The following DPYD variants were observed in gnomAD, a reference collection of about 807,000 sequenced individuals.
DPYD encodes the protein dihydropyrimidine dehydrogenase [NADP(+)].
Under a neutral mutation model 116.2 loss-of-function variants are expected in DPYD, and 109 were observed. The observed-to-expected ratio is 0.94, with a 90% CI of 0.80 to 1.10. The LOEUF is 1.10. Ranked by LOEUF, DPYD falls within the 50% of genes least tolerant of loss-of-function variation. The pLI, the probability that DPYD is intolerant of heterozygous loss-of-function variation, is 0.00. For synonymous variants in DPYD, 440 were observed against 432.0 expected, an observed-to-expected ratio of 1.02 and a Z score of -0.23; for missense variants, 1,302 against 1,254.5, an observed-to-expected ratio of 1.04 and a Z score of -0.57.
chr1:97,179,048 T>C (rs1400655438), intron 20 of DPYD, among the ~76,000 whole-genome samples: 1 of 152,164 alleles, frequency 6.6e-6, no homozygotes, highest in East Asian at 1.9e-4. Flanking sequence ...CTAAAGTAAG[T>C]CGCTCACTCA....
chr1:97,840,292 T>A (rs1415565482), intron 2 of DPYD, among the ~76,000 whole-genome samples: 1 of 151,788 alleles, frequency 6.6e-6, no homozygotes, highest in East Asian at 1.9e-4. Context: ...GAAATAGGAG[T>A]AATTTTTTAA....
intron 1 of DPYD, among the ~76,000 whole-genome samples, chr1:97,912,402 G>A (rs951781522): frequency 3.3e-5 from 5 of 152,054 alleles, no homozygotes; most frequent in Admixed American, 1.3e-4. Flanking sequence ...GGAATGTTAC[G>A]CCGTGACTTA....
At chr1:97,873,590 C>T (rs1226456230) in intron 2 of DPYD, among the ~76,000 whole-genome samples, 1 of 151,914 alleles carries the variant, frequency 6.6e-6, no homozygotes, top group African/African-American at 2.4e-5. Context: ...TATCAAAATA[C>T]ATTTTTATAT....
chr1:97,881,806 T>G (rs1672235272), intron 2 of DPYD, among the ~76,000 whole-genome samples: 1 of 151,828 alleles, frequency 6.6e-6, no homozygotes, highest in African/African-American at 2.4e-5. Flanking sequence ...TTAGGCTTGA[T>G]AGTCTTTAAG....
chr1:97,495,004 C>T (rs971938259), intron 13 of DPYD, among the ~76,000 whole-genome samples: 1 of 152,098 alleles, frequency 6.6e-6, no homozygotes, highest in Non-Finnish European at 1.5e-5. Flanking sequence ...AATGAGCGGC[C>T]TGCGCATCCA....
At chr1:97,335,795 G>GA (rs1484131398) in intron 16 of DPYD, among the ~76,000 whole-genome samples, 2 of 152,104 alleles carry the variant, frequency 1.3e-5, no homozygotes, top group Admixed American at 6.5e-5. Flanking sequence ...TTACTTCAAA[G>GA]AAGTCCACCT....
chr1:97,831,162 T>C (rs1028978646), intron 2 of DPYD, among the ~76,000 whole-genome samples: 2 of 152,226 alleles, frequency 1.3e-5, no homozygotes, highest in African/African-American at 4.8e-5. Context: ...TCAAGAACCA[T>C]ATGTAGAAGC....
chr1:97,455,162 G>T (rs1264156839), intron 13 of DPYD, among the ~76,000 whole-genome samples: 1 of 151,800 alleles, frequency 6.6e-6, no homozygotes. Context: ...GGTAGAGCAA[G>T]GAGGGCTTTC....
At chr1:97,487,937 A>G (rs1678742336) in intron 13 of DPYD, among the ~76,000 whole-genome samples, 1 of 152,184 alleles carries the variant, frequency 6.6e-6, no homozygotes, top group Non-Finnish European at 1.5e-5. Context: ...TATCATAGAG[A>G]AATGACAACT....
chr1:97,197,300 T>A (rs995606055), intron 19 of DPYD, among the ~76,000 whole-genome samples: 1 of 152,176 alleles, frequency 6.6e-6, no homozygotes, highest in Non-Finnish European at 1.5e-5. Context: ...CTTTTGACTA[T>A]AAAAGTCAAC....
chr1:97,303,250 A>G (rs548690570), intron 18 of DPYD, among the ~76,000 whole-genome samples: 1 of 152,130 alleles, frequency 6.6e-6, no homozygotes, highest in East Asian at 1.9e-4. Flanking sequence ...ATTAAACTCT[A>G]TTTAGTTTTC....
At chr1:97,184,352 A>G in intron 20 of DPYD, among the ~76,000 whole-genome samples, 1 of 152,138 alleles carries the variant, frequency 6.6e-6, no homozygotes, top group East Asian at 1.9e-4. Context: ...ACTGCTTTCC[A>G]CAATGGTTGA....
chr1:97,861,309 A>G (rs1468290073), intron 2 of DPYD, among the ~76,000 whole-genome samples: 1 of 151,980 alleles, frequency 6.6e-6, no homozygotes, highest in African/African-American at 2.4e-5. Flanking sequence ...AAGACTTTGT[A>G]TCATTGTAAA....
chr1:97,512,293 C>T (rs1349645109), intron 13 of DPYD, among the ~76,000 whole-genome samples: 1 of 151,714 alleles, frequency 6.6e-6, no homozygotes, highest in Non-Finnish European at 1.5e-5. Flanking sequence ...ATAAGAGAGA[C>T]CTATTACATG....
intron 3 of DPYD, among the ~76,000 whole-genome samples, chr1:97,809,330 G>A (rs1039303893): frequency 7.9e-5 from 12 of 152,180 alleles, no homozygotes; most frequent in African/African-American, 2.9e-4. Context: ...CGTGATTCAT[G>A]CATGCCTGTG....
At chr1:97,891,398 G>T (rs1218705308) in intron 1 of DPYD, among the ~76,000 whole-genome samples, 1 of 147,940 alleles carries the variant, frequency 6.8e-6, no homozygotes, top group Non-Finnish European at 1.5e-5. Context: ...ACACAATAAA[G>T]ATACACTGGT....
chr1:97,290,609 GT>G (rs1404357019), intron 18 of DPYD, among the ~76,000 whole-genome samples: 2 of 152,080 alleles, frequency 1.3e-5, no homozygotes, highest in Admixed American at 1.3e-4. Flanking sequence ...TTAATAAATG[GT>G]TCTGGGAAAA....
chr1:97,896,897 C>T (rs1673098565), intron 1 of DPYD, among the ~76,000 whole-genome samples: 1 of 151,764 alleles, frequency 6.6e-6, no homozygotes, highest in Non-Finnish European at 1.5e-5. Context: ...GTTATAAACC[C>T]CATACTTTAC....
intron 3 of DPYD, among the ~76,000 whole-genome samples, chr1:97,827,893 T>G (rs77157605): frequency 2.5e-3 from 382 of 152,260 alleles, no homozygotes; most frequent in Middle Eastern, 6.8e-3. Flanking sequence ...GCATTTTAAG[T>G]AACAAATTAA....
Sources: allele counts gnomAD v4.1 joint callset (sites outside exome capture counted in the v4.1 genomes callset), GRCh38; gene constraint gnomAD v4.1.1; transcripts MANE v1.5; gene names NCBI Gene and HGNC (gene_info 2026-07-23, HGNC 2026-07-21).